DZIP3: variants seen among roughly 807,000 people sequenced by gnomAD.
The protein encoded by DZIP3 is DAZ interacting zinc finger protein 3, also known as E3 ubiquitin-protein ligase DZIP3.
DZIP3 carries 118 observed loss-of-function variants against 162.0 expected under a neutral mutation model. The observed-to-expected ratio is 0.73, with a 90% CI of 0.63 to 0.85. The LOEUF is 0.85. Among genes scored for constraint, DZIP3 ranks in the 40% least tolerant of loss-of-function variants. The pLI is 0.00. For synonymous variants in DZIP3, 438 were observed against 458.6 expected, an observed-to-expected ratio of 0.96 and a Z score of 0.57; for missense variants, 1,331 against 1,407.0, an observed-to-expected ratio of 0.95 and a Z score of 0.86.
chr3:108,631,050 C>CACACACACACACAT (rs1553705333), intron 8 of DZIP3, among the ~76,000 whole-genome samples: 1 of 111,956 alleles, frequency 8.9e-6, no homozygotes, highest in African/African-American at 3.5e-5. Context: ...CACACACACA[C>CACACACACACACAT]ACACACTCTC....
chr3:108,616,420 A>G, intron 4 of DZIP3, 121 bp from the exon 5 acceptor site: 1 of 609,680 alleles, frequency 1.6e-6, no homozygotes, highest in East Asian at 3.1e-5. Context: ...TTTTTTTTTA[A>G]ACCGTCTTTA....
chr3:108,594,170 G>C (rs143342877), intron 1 of DZIP3, among the ~76,000 whole-genome samples: 2 of 151,638 alleles, frequency 1.3e-5, no homozygotes, highest in East Asian at 1.9e-4. Context: ...TTTTTTCTTA[G>C]TTGGGCTTTC....
At chr3:108,644,065 T>G in intron 13 of DZIP3, 99 bp from the exon 14 acceptor site, 2 of 1,388,250 alleles carry the variant, frequency 1.4e-6, no homozygotes, top group South Asian at 2.9e-5. Flanking sequence ...TCTTTTGGAA[T>G]AGTTTTTATC....
chr3:108,631,055 A>ACACACACACACACATACACT, intron 8 of DZIP3, among the ~76,000 whole-genome samples: 275 of 18,030 alleles, frequency 0.015, 19 homozygotes, highest in Non-Finnish European at 0.02. Flanking sequence ...ACACACACAC[A>ACACACACACACACATACACT]CTCTCTCTCT....
chr3:108,593,518 T>C (rs1413081539), intron 1 of DZIP3, among the ~76,000 whole-genome samples: 1 of 152,130 alleles, frequency 6.6e-6, no homozygotes, highest in Non-Finnish European at 1.5e-5. Flanking sequence ...GAAAAAGAAA[T>C]TGGAAGTGTT....
At chr3:108,659,946 T>A (rs1422586152) in intron 19 of DZIP3, among the ~76,000 whole-genome samples, 5 of 152,060 alleles carry the variant, frequency 3.3e-5, no homozygotes, top group Non-Finnish European at 7.4e-5. Context: ...GTGAAGGACC[T>A]CTTCAAGGAG....
intron 12 of DZIP3, among the ~76,000 whole-genome samples, chr3:108,641,414 A>G (rs1173893930): frequency 6.6e-6 from 1 of 152,050 alleles, no homozygotes; most frequent in Non-Finnish European, 1.5e-5. Flanking sequence ...CTCTAATTTT[A>G]TATTATTGCT....
chr3:108,606,053 T>C (rs1021799211), intron 2 of DZIP3, among the ~76,000 whole-genome samples: 1 of 152,206 alleles, frequency 6.6e-6, no homozygotes, highest in African/African-American at 2.4e-5. Context: ...AAAAATGTTT[T>C]ATGATTTAAC....
intron 26 of DZIP3, among the ~76,000 whole-genome samples, chr3:108,680,652 A>G (rs894087885): frequency 6.6e-6 from 1 of 152,100 alleles, no homozygotes; most frequent in African/African-American, 2.4e-5. Flanking sequence ...AGAAATGGAA[A>G]AATACATCAT....
chr3:108,592,400 G>A (rs1939472385), intron 1 of DZIP3, among the ~76,000 whole-genome samples: 2 of 152,064 alleles, frequency 1.3e-5, no homozygotes, highest in Admixed American at 1.3e-4. Flanking sequence ...TTAATAGAAA[G>A]TATTAAGGGT....
chr3:108,611,425 G>C, intron 4 of DZIP3, 96 bp downstream of exon 4: 1 of 1,440,138 alleles, frequency 6.9e-7, no homozygotes, highest in East Asian at 2.5e-5. Context: ...TATAGCCAAG[G>C]TCTTGAAAAA....
In DZIP3 at chr3:108,690,662, T is replaced by C. The variant is rs1256797336; in HGVS notation, c.3517-125T>C. The C allele has an allele frequency of 8.7e-6, 7 of 808,652 alleles. No individual in the cohort carries two copies. The East Asian group carries it at 1.8e-4, about 21-fold the overall frequency. 50.1% of individuals were successfully genotyped at this position (808,652 alleles called of 1,614,324 possible). On this transcript the variant is annotated intron_variant, in intron 31 of 32. Transcript: ENST00000361582. ...ATGGTTGCAGCAATTGGTTTGACGA[T>C]CCACAGCGTAAGGCTTTAAAGATCC... is the stretch of plus-strand genomic sequence containing the variant.
chr3:108,605,211 CTA>C (rs2107478128), intron 1 of DZIP3, 122 bp from the exon 2 acceptor site: 2 of 693,962 alleles, frequency 2.9e-6, no homozygotes, highest in African/African-American at 1.9e-5. Flanking sequence ...GGTGGCGAAA[CTA>C]TGATTCATTT....
Position 108,646,648 on chromosome 3 carries a change from G to A in DZIP3, c.1791G>A (p.Gln597=), listed in dbSNP as rs775357679. The change falls in exon 15 of 33, where the codon CAG becomes CAA. Residue 597 remains glutamine, a splice_region_variant and synonymous_variant. Coordinates refer to ENST00000361582, the MANE Select transcript of DZIP3 (RefSeq NM_014648.4). ...CTCTACAGTCAATAACAGGCAGTCAGCGTAAGTATATTTAGAAATAAAATG... is the reference window on the plus strand; with the variant it reads ...CTCTACAGTCAATAACAGGCAGTCAACGTAAGTATATTTAGAAATAAAATG... ...GIALQSITGS[Q]RIEIEELQNE... The A allele has an allele frequency of 1.6e-5, 25 of 1,553,702 alleles. No homozygotes were observed. Among genetic ancestry groups the A allele is most frequent in the Non-Finnish European group, 1.9e-5 (22 of 1,153,304 alleles).
intron 7 of DZIP3, among the ~76,000 whole-genome samples, chr3:108,627,558 A>G (rs965710576): frequency 1.3e-5 from 2 of 152,196 alleles, no homozygotes; most frequent in Non-Finnish European, 2.9e-5. Flanking sequence ...TTAATTTACT[A>G]TAGACCATTA....
intron 13 of DZIP3, among the ~76,000 whole-genome samples, chr3:108,642,984 G>C (rs181538266): frequency 6.6e-6 from 1 of 152,260 alleles, no homozygotes; most frequent in Non-Finnish European, 1.5e-5. Flanking sequence ...CCTTAATTAA[G>C]GGACCCTGGG....
chr3:108,614,429 T>C (rs1324094397), intron 4 of DZIP3, among the ~76,000 whole-genome samples: 2 of 152,210 alleles, frequency 1.3e-5, no homozygotes, highest in African/African-American at 4.8e-5. Flanking sequence ...TTTTTGCTTT[T>C]CTAGTAAATT....
chr3:108,601,265 G>T (rs1372082927), intron 1 of DZIP3, among the ~76,000 whole-genome samples: 1 of 152,106 alleles, frequency 6.6e-6, no homozygotes, highest in South Asian at 2.1e-4. Flanking sequence ...GGATGTGTGG[G>T]TGTGGGTGTG....
rs146353615 is a variant in DZIP3 at position 108,654,251 on chromosome 3, G to A, written c.2140G>A (p.Ala714Thr). ...TGCAAGTGATGTTCAAGAGGATTCT[G>A]CAATGGAAGACAAGTTCTATAGCCT... ...DDASDVQEDS[A>T]MEDKFYSLDE... Residue 714 changes from alanine (A) to threonine (T), a missense_variant, in exon 19 of 33, where the codon GCA (alanine) becomes ACA (threonine). By Grantham distance (58) the Ala-to-Thr change is moderately conservative. Transcript: ENST00000361582. 5.7e-5 allele frequency: 92 copies of A among 1,613,818 alleles called. 1 individual carries two copies. In the Middle Eastern group the frequency reaches 9.9e-4, roughly 17 times the overall value.
Sources: gnomAD v4.1 joint callset for allele counts (sites outside exome capture counted in the v4.1 genomes callset) on GRCh38, gnomAD v4.1.1 for gene constraint, MANE v1.5 for transcripts, NCBI Gene and HGNC (gene_info 2026-07-23, HGNC 2026-07-21) for gene names.